Variants in TRIM24 observed in about 807,000 individuals in gnomAD.
TRIM24 encodes tripartite motif containing 24.
A neutral mutation model predicts 123.9 loss-of-function variants in TRIM24; 29 were observed. The observed-to-expected ratio is 0.23, with a 90% CI of 0.17 to 0.32. The LOEUF is 0.32. TRIM24 is among the 10% of genes least tolerant of loss of function. The pLI is 1.00. For synonymous variants in TRIM24, 456 were observed against 461.1 expected (o/e 0.99, Z 0.14); for missense variants, 932 against 1,295.3 (o/e 0.72, Z 4.31).
At chr7:138,472,860 C>A (rs1795301981) in intron 1 of TRIM24, among the ~76,000 whole-genome samples, 1 of 152,164 alleles carries the variant, frequency 6.6e-6, no homozygotes, top group South Asian at 2.1e-4. Flanking sequence ...CATTCTGACA[C>A]AAGCTCTTAA....
chr7:138,463,043 G>GTTTTTTTTTTTTTTTT (rs57719141), intron 1 of TRIM24, among the ~76,000 whole-genome samples: 2 of 60,132 alleles, frequency 3.3e-5, no homozygotes, highest in Admixed American at 2.5e-4. Context: ...CTAATTTTGT[G>GTTTTTTTTTTTTTTTT]TTTTTTTTTT....
rs528895361 is a variant in TRIM24, at chr7:138,493,957, A to T, written c.365-10333A>T. 2.0e-5 allele frequency among the ~76,000 whole-genome samples: 3 copies of T among 151,914 alleles called. No homozygotes were observed. The East Asian group carries it at 5.8e-4, about 29-fold the overall frequency. On this transcript the variant is annotated intron_variant, in intron 1 of 18. Coordinates refer to ENST00000343526, the MANE Select transcript of TRIM24 (RefSeq NM_015905.3). ...CAAAAATGCCCTTTATATCTGTTTTATTATTGTTGTTGTTGTTGTTGTTAT... is the reference window on the plus strand; with the variant it reads ...CAAAAATGCCCTTTATATCTGTTTTTTTATTGTTGTTGTTGTTGTTGTTAT...
At chr7:138,508,874 A>G (rs1028195753) in intron 2 of TRIM24, among the ~76,000 whole-genome samples, 4 of 152,102 alleles carry the variant, frequency 2.6e-5, no homozygotes, top group African/African-American at 9.7e-5. Context: ...TGGAGACCAC[A>G]GTATGGTACG....
At position 138,585,035 on chromosome 7, in the gene TRIM24, AAAG is replaced by A. The variant is rs1797984757; in HGVS notation, c.*89_*91del. 8.2e-7 allele frequency: 1 copy of A among 1,224,726 alleles called. No homozygotes were observed. Among genetic ancestry groups the A allele is most frequent in the South Asian group, 1.6e-5 (1 of 64,424 alleles). The allele number at this position is 1,224,726 out of a possible 1,614,324, so 75.9% of individuals were successfully genotyped here. ...TGTCAGTAATTTAACATCACTACAA[AAAG>A]AAGAGTTTGTGACTATTCTCATCTC... is the stretch of plus-strand genomic sequence containing the variant. On this transcript the variant is annotated 3_prime_UTR_variant, in exon 19 of 19. Coordinates refer to ENST00000343526, the MANE Select transcript of TRIM24 (RefSeq NM_015905.3).
chr7:138,490,787 T>C, intron 1 of TRIM24: 1 of 493,750 alleles, frequency 2.0e-6, no homozygotes, highest in Non-Finnish European at 4.0e-6. Context: ...CTATGTCTTT[T>C]CCAGTGCTAT....
rs979918715 is a variant in TRIM24 at position 138,460,403 on chromosome 7, C to T, written c.-146C>T. The T allele has an allele frequency of 6.8e-6, 6 of 884,718 alleles. No homozygotes were observed. Among genetic ancestry groups the T allele is most frequent in the Non-Finnish European group, 9.0e-6 (6 of 669,494 alleles). 54.8% of individuals were successfully genotyped at this position (884,718 alleles called of 1,614,324 possible). A position where few individuals can be genotyped will look rare whatever the true frequency, so the allele number is the denominator to read the frequency against. On this transcript the variant is annotated 5_prime_UTR_variant, in exon 1 of 19. Coordinates refer to ENST00000343526, the MANE Select transcript of TRIM24 (RefSeq NM_015905.3). ...CGTGGGCCTGAGGAGGCTTCCCCCG[C>T]CCGGTTTGCTTTCCCTCCCTCGCTG...
In TRIM24 at chr7:138,545,568, T is replaced by A. The variant is rs1030712322; in HGVS notation, c.1144-5495T>A. The A allele has an allele frequency of 6.6e-6, 3 of 455,730 alleles. No individual in the cohort carries two copies. In the Admixed American group the frequency reaches 7.1e-5, roughly 11 times the overall value. 28.2% of individuals were successfully genotyped at this position (455,730 alleles called of 1,614,324 possible). The stretch of plus-strand genomic sequence containing the variant: ...TATGAACTTAGAGTTTTATTTTTAT[T>A]CTTGGACTCAGATCTAGCAATAATT... On this transcript the variant is annotated intron_variant, in intron 7 of 18. Transcript: ENST00000343526.
intron 6 of TRIM24, among the ~76,000 whole-genome samples, chr7:138,530,811 A>G (rs1796716542): frequency 6.6e-6 from 1 of 152,044 alleles, no homozygotes; most frequent in African/African-American, 2.4e-5. Context: ...TTGTTGTCCA[A>G]GCTTGAATGC....
chr7:138,578,274 AAATAAT>A (rs146278692), intron 14 of TRIM24, among the ~76,000 whole-genome samples: 2 of 151,840 alleles, frequency 1.3e-5, no homozygotes, highest in African/African-American at 2.4e-5. Flanking sequence ...AACAATATTT[AAATAAT>A]AATAATAATG....
intron 2 of TRIM24, chr7:138,514,841 G>A: frequency 6.0e-6 from 1 of 166,440 alleles, no homozygotes; most frequent in Non-Finnish European, 1.3e-5. Flanking sequence ...AGACCACTGA[G>A]CTAGTAAGTG....
intron 1 of TRIM24, among the ~76,000 whole-genome samples, chr7:138,470,957 G>A (rs1406577117): frequency 6.6e-6 from 1 of 152,188 alleles, no homozygotes; most frequent in African/African-American, 2.4e-5. Flanking sequence ...GATAAAGATA[G>A]TACTCCTTTG....
Position 138,512,332 on chromosome 7 carries a change from C to T in TRIM24, c.484-2880C>T, listed in dbSNP as rs572352712. ...CTGGAGGACAGTGGCTTTCTTCTCACAGCTCACTTGGGAGGGCCCCAGTGG... is the reference window on the plus strand; with the variant it reads ...CTGGAGGACAGTGGCTTTCTTCTCATAGCTCACTTGGGAGGGCCCCAGTGG... On this transcript the variant is annotated intron_variant, in intron 2 of 18. Transcript: ENST00000343526. Among the ~76,000 whole-genome samples, 7 of 152,292 alleles carry T rather than the reference C, an allele frequency of 4.6e-5. No individual in the cohort carries two copies. The East Asian group carries it at 1.4e-3, about 29-fold the overall frequency.
chr7:138,474,603 G>C (rs2116463517), intron 1 of TRIM24, among the ~76,000 whole-genome samples: 1 of 152,216 alleles, frequency 6.6e-6, no homozygotes, highest in South Asian at 2.1e-4. Flanking sequence ...TTACATTTAG[G>C]TCTATGATCC....
At chr7:138,507,747 C>T (rs185090949) in intron 2 of TRIM24, among the ~76,000 whole-genome samples, 7 of 151,960 alleles carry the variant, frequency 4.6e-5, no homozygotes, top group Admixed American at 2.0e-4. Context: ...CCTGTCTGAG[C>T]GAATAAATGA....
In TRIM24 at chr7:138,577,239, C is replaced by CATTTTTATCATAA. The variant is rs574340068; in HGVS notation, c.2088-178_2088-166dup. 4.2e-3 allele frequency among the ~76,000 whole-genome samples: 646 copies of CATTTTTATCATAA among 152,208 alleles called. 5 individuals are homozygous for CATTTTTATCATAA. The highest frequency in any genetic ancestry group is 0.015 in the African/African-American group (631 of 41,526). On this transcript the variant is annotated intron_variant, in intron 13 of 18. Coordinates refer to ENST00000343526, the MANE Select transcript of TRIM24 (RefSeq NM_015905.3). ...TATTTAGATAGGTTAATATGTAAAA[C>CATTTTTATCATAA]ATTTTTATCATAAATGAAACTTGCA...
chr7:138,495,901 G>A (rs143362923), intron 1 of TRIM24, among the ~76,000 whole-genome samples: 48 of 152,178 alleles, frequency 3.2e-4, no homozygotes, highest in African/African-American at 1.1e-3. Flanking sequence ...TTAAATACTT[G>A]TTATATAATC....
At chr7:138,501,298 C>T (rs1796033849) in intron 1 of TRIM24, among the ~76,000 whole-genome samples, 4 of 152,098 alleles carry the variant, frequency 2.6e-5, no homozygotes, top group South Asian at 4.2e-4. Flanking sequence ...GGCACGATCT[C>T]GGCTCATTGC....
intron 7 of TRIM24, among the ~76,000 whole-genome samples, chr7:138,544,420 A>G (rs74695703): frequency 0.019 from 2,957 of 152,090 alleles, 98 homozygotes; most frequent in African/African-American, 0.067. Flanking sequence ...TCCATGCATC[A>G]TTGGATACAG....
chr7:138,466,582 T>G lies in TRIM24; in HGVS notation c.364+5670T>G, dbSNP rs551431892. 1.5e-3 allele frequency among the ~76,000 whole-genome samples: 219 copies of G among 147,986 alleles called. 2 individuals carry two copies. Among genetic ancestry groups the G allele is most frequent in the African/African-American group, 5.4e-3 (215 of 40,080 alleles). On this transcript the variant is annotated intron_variant, in intron 1 of 18. Coordinates refer to ENST00000343526, the MANE Select transcript of TRIM24 (RefSeq NM_015905.3). ...TTGCTCAGGCTGGTCTCTCAACTCCTGAGCTCAAGTGATCACCCATCTCGT... is the reference window on the plus strand; with the variant it reads ...TTGCTCAGGCTGGTCTCTCAACTCCGGAGCTCAAGTGATCACCCATCTCGT...
Sources: gnomAD v4.1 joint callset for allele counts (sites outside exome capture counted in the v4.1 genomes callset) on GRCh38, gnomAD v4.1.1 for gene constraint, MANE v1.5 for transcripts, NCBI Gene and HGNC (gene_info 2026-07-23, HGNC 2026-07-21) for gene names.